The following ZBTB46 variants were observed in gnomAD, a reference collection of about 807,000 sequenced individuals.
The protein encoded by ZBTB46 is zinc finger and BTB domain-containing protein 46.
Under a neutral mutation model 44.1 loss-of-function variants are expected in ZBTB46, and 8 were observed. The observed-to-expected ratio is 0.18, with a 90% CI of 0.11 to 0.33. The LOEUF (loss-of-function observed/expected upper bound fraction) is 0.33. ZBTB46 is among the 10% of genes least tolerant of loss of function. The probability of loss-of-function intolerance (pLI) is 1.00; values close to 1 mark genes in which losing one functional copy is unlikely to be tolerated. For synonymous variants in ZBTB46, 409 were observed against 382.3 expected, an observed-to-expected ratio of 1.07 and a Z score of -0.81; for missense variants, 651 against 847.7, an observed-to-expected ratio of 0.77 and a Z score of 2.88.
chr20:63,758,073 GCCCA>G (rs2092239177), intron 3 of ZBTB46, among the ~76,000 whole-genome samples: 2 of 8,792 alleles, frequency 2.3e-4, no homozygotes, highest in South Asian at 7.0e-3. Context: ...CCCTCCACCC[GCCCA>G]TCCAGAGCTC....
At chr20:63,796,999 GTTT>G (rs1459340219) in intron 1 of ZBTB46, among the ~76,000 whole-genome samples, 1 of 151,976 alleles carries the variant, frequency 6.6e-6, no homozygotes, top group Non-Finnish European at 1.5e-5. Flanking sequence ...GTGAAACCCG[GTTT>G]TTGTTTTTGT....
chr20:63,752,582 A>T lies in ZBTB46; in HGVS notation c.1398+104T>A. On this transcript the variant is annotated intron_variant, in intron 4 of 4. Coordinates refer to ENST00000245663, the MANE Select transcript of ZBTB46 (RefSeq NM_001369741.1). This position sits in a 1 kb window ranked among gnomAD's most constrained non-coding sequence, Gnocchi z 5.6. ...CTGTCGTCCCCCCTGTGCAGAGTGGACCCGGTGTGGGGTCCGGGGCGGTCT... is the reference window on the plus strand; with the variant it reads ...CTGTCGTCCCCCCTGTGCAGAGTGGTCCCGGTGTGGGGTCCGGGGCGGTCT... The T allele has an allele frequency of 1.5e-6, 2 of 1,333,728 alleles. No individual in the cohort carries two copies. The highest frequency in any genetic ancestry group is 2.0e-6 in the Non-Finnish European group (2 of 1,021,866). 82.6% of individuals were successfully genotyped at this position (1,333,728 alleles called of 1,614,324 possible).
chr20:63,750,439 A>G (rs527980494), intron 4 of ZBTB46, among the ~76,000 whole-genome samples: 149 of 150,878 alleles, frequency 9.9e-4, no homozygotes, highest in Middle Eastern at 3.4e-3. Flanking sequence ...GAGTCTCGCA[A>G]TTTTGCCCAG....
At chr20:63,782,288 C>T (rs553869996) in intron 2 of ZBTB46, among the ~76,000 whole-genome samples, 25 of 151,930 alleles carry the variant, frequency 1.6e-4, no homozygotes, top group Non-Finnish European at 3.1e-4. Context: ...GGATGAGCCA[C>T]GTGGGCCCTA....
intron 2 of ZBTB46, among the ~76,000 whole-genome samples, chr20:63,786,718 G>A (rs529824824): frequency 1.3e-5 from 2 of 152,206 alleles, no homozygotes; most frequent in African/African-American, 2.4e-5. Flanking sequence ...CACCATGTTG[G>A]CCACGATGGT....
At chr20:63,831,713 G>A (rs2092853432), upstream of ZBTB46, among the ~76,000 whole-genome samples, 2 of 150,504 alleles carry the variant, frequency 1.3e-5, no homozygotes, top group Admixed American at 6.6e-5. Context: ...CTCCCTTCCC[G>A]GGCCGCGCAC....
chr20:63,754,126 G>T (rs7273624), intron 3 of ZBTB46, among the ~76,000 whole-genome samples: 1 of 152,016 alleles, frequency 6.6e-6, no homozygotes, highest in South Asian at 2.1e-4. Flanking sequence ...AGAAAACCCC[G>T]GAGGCCCCGC....
At position 63,795,571 on chromosome 20, in the gene ZBTB46, T is replaced by C. The variant is rs562269820; in HGVS notation, c.-33-4781A>G. ...GTCTCCACAGTGCACGCTAACGAAC[T>C]GAGGGCCTCAAAACCAGCACAGCTG... On this transcript the variant is annotated intron_variant, in intron 1 of 4. Coordinates refer to ENST00000245663, the MANE Select transcript of ZBTB46 (RefSeq NM_001369741.1). Among the ~76,000 whole-genome samples the C allele has an allele frequency of 2.2e-3, 339 of 152,310 alleles. 2 individuals carry two copies. The highest frequency in any genetic ancestry group is 2.4e-3 in the Non-Finnish European group (165 of 68,014).
intron 3 of ZBTB46, among the ~76,000 whole-genome samples, chr20:63,769,098 G>A (rs924309446): frequency 6.6e-6 from 1 of 152,188 alleles, no homozygotes; most frequent in Non-Finnish European, 1.5e-5. Flanking sequence ...GGGAGAGGAG[G>A]GCACATGGAG....
intron 3 of ZBTB46, among the ~76,000 whole-genome samples, chr20:63,758,734 CTTT>C (rs34323440): frequency 8.0e-4 from 108 of 134,994 alleles, no homozygotes; most frequent in Admixed American, 1.1e-3. Flanking sequence ...AGAGTCACAT[CTTT>C]TTTTTTTTTT....
intron 2 of ZBTB46, among the ~76,000 whole-genome samples, chr20:63,782,258 A>G (rs1360712636): frequency 2.6e-5 from 4 of 152,020 alleles, no homozygotes; most frequent in African/African-American, 7.2e-5. Context: ...GATTCGGTTC[A>G]GGATCTCACG....
At chr20:63,764,604 T>A (rs2092303164) in intron 3 of ZBTB46, among the ~76,000 whole-genome samples, 1 of 115,858 alleles carries the variant, frequency 8.6e-6, no homozygotes, top group South Asian at 3.0e-4. Flanking sequence ...ATTTTTTCTC[T>A]GTTTTTTTTT....
rs2092330818 is a variant in ZBTB46 at position 63,767,578 on chromosome 20, G to C, written c.1222+8100C>G. ...GCAGCTGCACCCAGCTGGAGCCCGGGACCCGGACGCCAAAGCTCTGGCCGC... is the reference window on the plus strand; with the variant it reads ...GCAGCTGCACCCAGCTGGAGCCCGGCACCCGGACGCCAAAGCTCTGGCCGC... On this transcript the variant is annotated intron_variant, in intron 3 of 4. Transcript: ENST00000245663. This position sits in a 1 kb window ranked among gnomAD's most constrained non-coding sequence, Gnocchi z 5.0. 6.6e-6 allele frequency among the ~76,000 whole-genome samples: 1 copy of C among 152,194 alleles called. No individual in the cohort carries two copies. The highest frequency in any genetic ancestry group is 2.1e-4 in the South Asian group (1 of 4,834).
chr20:63,752,336 G>A lies in ZBTB46; in HGVS notation c.1398+350C>T, dbSNP rs1459979336. Among the ~76,000 whole-genome samples, 1 of 152,106 alleles carries A rather than the reference G, an allele frequency of 6.6e-6. No individual in the cohort carries two copies. Among genetic ancestry groups the A allele is most frequent in the Non-Finnish European group, 1.5e-5 (1 of 68,010 alleles). Reference sequence around the variant, plus strand: ...AGACAGGTCGGCAGGCACAAGGACAGGGTTCTCCCTCCCGAGGCAGGGCGG... The same window carrying A: ...AGACAGGTCGGCAGGCACAAGGACAAGGTTCTCCCTCCCGAGGCAGGGCGG... On this transcript the variant is annotated intron_variant, in intron 4 of 4. Transcript: ENST00000245663. This position sits in a 1 kb window ranked among gnomAD's most constrained non-coding sequence, Gnocchi z 5.6.
At chr20:63,816,158 G>A (rs978493909) in intron 1 of ZBTB46, among the ~76,000 whole-genome samples, 243 of 140,742 alleles carry the variant, frequency 1.7e-3, no homozygotes, top group African/African-American at 6.1e-3. Flanking sequence ...TGCAGTGGGT[G>A]CAGGTGCGGT....
At chr20:63,784,329 C>G (rs1449511398) in intron 2 of ZBTB46, among the ~76,000 whole-genome samples, 1 of 152,188 alleles carries the variant, frequency 6.6e-6, no homozygotes, top group African/African-American at 2.4e-5. Flanking sequence ...AGACAGGAGG[C>G]TTGCAGGCAG....
intron 3 of ZBTB46, among the ~76,000 whole-genome samples, chr20:63,771,422 CG>C (rs2092371284): frequency 6.6e-6 from 1 of 152,292 alleles, no homozygotes; most frequent in Admixed American, 6.5e-5. Flanking sequence ...GCGGTCCCGC[CG>C]GGCCTGGCGC....
chr20:63,790,911 G>GCCT, intron 1 of ZBTB46, 121 bp from the exon 2 acceptor site: 1 of 1,359,538 alleles, frequency 7.4e-7, no homozygotes, highest in Non-Finnish European at 9.7e-7. Context: ...GACGACCCAC[G>GCCT]CGAGAGCCCA....
At chr20:63,832,433 G>C (rs552795826), upstream of ZBTB46, among the ~76,000 whole-genome samples, 28 of 152,314 alleles carry the variant, frequency 1.8e-4, 1 homozygote, top group East Asian at 5.0e-3. The surrounding 1 kb of genome is among the most constrained non-coding windows in gnomAD (Gnocchi z 5.0). Context: ...GCCTCCCTGC[G>C]GGCCCAGCGC....
Sources: allele counts gnomAD v4.1 joint callset (sites outside exome capture counted in the v4.1 genomes callset), GRCh38; gene constraint gnomAD v4.1.1; non-coding constraint Gnocchi (gnomAD v3.1); transcripts MANE v1.5; gene names NCBI Gene and HGNC (gene_info 2026-07-23, HGNC 2026-07-21).